The following DERA variants were observed in gnomAD, a reference collection of about 807,000 sequenced individuals.
DERA encodes the protein deoxyribose-phosphate aldolase.
DERA carries 15 observed loss-of-function variants against 41.1 expected under a neutral mutation model. That is an observed-to-expected ratio of 0.37 (90% CI 0.24 to 0.56). The LOEUF is 0.56. Among genes scored for constraint, DERA ranks in the 20% least tolerant of loss-of-function variants. DERA has a pLI of 0.81. For missense variants in DERA, 396 were observed against 403.4 expected (o/e 0.98, Z 0.16); for synonymous variants, 139 against 137.4 (o/e 1.01, Z -0.08).
Position 16,019,717 on chromosome 12 carries a change from A to G in DERA, c.638-12825A>G, listed in dbSNP as rs1949006173. ...GTCTGTAACACATTCCATCTGTTCC[A>G]TGAAGCCTTCCCGTATTATTCTAGC... On this transcript the variant is annotated intron_variant, in intron 6 of 8. Transcript: ENST00000428559. This position sits in a 1 kb window ranked among gnomAD's most constrained non-coding sequence, Gnocchi z 4.4. Among the ~76,000 whole-genome samples, 2 of 152,154 alleles carry G rather than the reference A, an allele frequency of 1.3e-5. No individual in the cohort carries two copies. The highest frequency in any genetic ancestry group is 4.1e-4 in the South Asian group (2 of 4,826).
At chr12:15,912,091 A>G (rs1428679814) in intron 1 of DERA, among the ~76,000 whole-genome samples, 1 of 150,868 alleles carries the variant, frequency 6.6e-6, no homozygotes, top group African/African-American at 2.5e-5. Flanking sequence ...GTCATAGGAC[A>G]GTAGTGGAGG....
At chr12:15,925,085 C>T (rs1158833915) in intron 1 of DERA, among the ~76,000 whole-genome samples, 1 of 152,156 alleles carries the variant, frequency 6.6e-6, no homozygotes, top group Non-Finnish European at 1.5e-5. Context: ...ACACTTCATT[C>T]TCTCTCTCTT....
At chr12:16,033,737 TTATATG>T (rs1949109121) in intron 7 of DERA, among the ~76,000 whole-genome samples, 1 of 151,814 alleles carries the variant, frequency 6.6e-6, no homozygotes. Flanking sequence ...TGTGATGACT[TTATATG>T]TAAGTGTAGC....
In DERA at chr12:16,036,939, GA is replaced by G. The variant is rs1242695765; in HGVS notation, c.*196del. ...TGTGGTACTCATTTCAGGCACATCT[GA>G]AATGATCTTAATTACTAGAAGATCT... On this transcript the variant is annotated 3_prime_UTR_variant, in exon 9 of 9. Coordinates refer to ENST00000428559, the MANE Select transcript of DERA (RefSeq NM_015954.4). The surrounding 1 kb of genome is among the most constrained non-coding windows in gnomAD (Gnocchi z 4.9). 8 of 544,260 alleles carry G rather than the reference GA, an allele frequency of 1.5e-5. No individual in the cohort carries two copies. In the East Asian group the frequency reaches 2.7e-4, roughly 19 times the overall value. 33.7% of individuals were successfully genotyped at this position (544,260 alleles called of 1,614,324 possible).
chr12:16,004,871 G>A lies in DERA; in HGVS notation c.637+22435G>A, dbSNP rs558259023. Among the ~76,000 whole-genome samples, 4 of 152,226 alleles carry A rather than the reference G, an allele frequency of 2.6e-5. No individual in the cohort carries two copies. In the South Asian group the frequency reaches 6.2e-4, roughly 24 times the overall value. On this transcript the variant is annotated intron_variant, in intron 6 of 8. Transcript: ENST00000428559. This position sits in a 1 kb window ranked among gnomAD's most constrained non-coding sequence, Gnocchi z 4.2. ...ATCGTCTGCATATGTGTGTTTCCTA[G>A]TTCAAGGAGTTAGAAAACTTTTGAT...
chr12:15,962,261 T>C (rs779474933), intron 4 of DERA, among the ~76,000 whole-genome samples: 6 of 152,216 alleles, frequency 3.9e-5, no homozygotes, highest in Non-Finnish European at 5.9e-5. Flanking sequence ...TGCATTCTCT[T>C]TTCTTTATGC....
intron 4 of DERA, among the ~76,000 whole-genome samples, chr12:15,960,596 C>G (rs993524055): frequency 7.6e-6 from 1 of 130,820 alleles, no homozygotes; most frequent in African/African-American, 2.9e-5. Flanking sequence ...GAGATCATGC[C>G]CCTGCACTCC....
At chr12:15,925,363 C>T (rs1241339100) in intron 1 of DERA, among the ~76,000 whole-genome samples, 1 of 151,760 alleles carries the variant, frequency 6.6e-6, no homozygotes, top group Non-Finnish European at 1.5e-5. Context: ...TGTAAATTTT[C>T]TTCTTATTAT....
chr12:16,036,592 G>A lies in DERA; in HGVS notation c.901-98G>A, dbSNP rs1007502348. On this transcript the variant is annotated intron_variant, in intron 8 of 8. Transcript: ENST00000428559. The surrounding 1 kb of genome is among the most constrained non-coding windows in gnomAD (Gnocchi z 4.9). ...TACTAGTGAGGCTTTCTAATGAAAT[G>A]TTCATTAAAACTATTTATTATTATT... 8.5e-6 allele frequency: 9 copies of A among 1,055,652 alleles called. No individual in the cohort carries two copies. The Admixed American group carries it at 2.2e-4, about 25-fold the overall frequency. 65.4% of individuals were successfully genotyped at this position (1,055,652 alleles called of 1,614,324 possible).
In DERA at chr12:15,954,472, C is replaced by T. The variant is rs906177476; in HGVS notation, c.32-2464C>T. Among the ~76,000 whole-genome samples, 23 of 152,282 alleles carry T rather than the reference C, an allele frequency of 1.5e-4. No individual in the cohort carries two copies. Among genetic ancestry groups the T allele is most frequent in the Non-Finnish European group, 2.5e-4 (17 of 68,026 alleles). ...CAGGGAAGGCTCCCAGAGAAGGTGA[C>T]ATTTGAATCGACTCTTAAAGGATGA... On this transcript the variant is annotated intron_variant, in intron 1 of 8. Coordinates refer to ENST00000428559, the MANE Select transcript of DERA (RefSeq NM_015954.4). This position sits in a 1 kb window ranked among gnomAD's most constrained non-coding sequence, Gnocchi z 4.0.
At chr12:15,963,846 T>C (rs577173151) in intron 5 of DERA, among the ~76,000 whole-genome samples, 1 of 152,186 alleles carries the variant, frequency 6.6e-6, no homozygotes, top group Admixed American at 6.5e-5. Context: ...CTATTTCTCA[T>C]GGGTATTTTC....
intron 6 of DERA, among the ~76,000 whole-genome samples, chr12:16,028,494 G>A (rs890121341): frequency 3.9e-5 from 6 of 152,142 alleles, no homozygotes; most frequent in African/African-American, 7.2e-5. Flanking sequence ...GCCCCTGCTC[G>A]AGGAGGTGGA....
At chr12:15,948,604 C>CT (rs894734122) in intron 1 of DERA, among the ~76,000 whole-genome samples, 1 of 151,962 alleles carries the variant, frequency 6.6e-6, no homozygotes, top group Admixed American at 6.6e-5. Context: ...TTCGTCTAAT[C>CT]TTTTTTTTGA....
At chr12:16,015,998 C>T (rs1342327498) in intron 6 of DERA, among the ~76,000 whole-genome samples, 1 of 152,032 alleles carries the variant, frequency 6.6e-6, no homozygotes, top group Non-Finnish European at 1.5e-5. Context: ...ATGGTGAACC[C>T]TCTTCAGGCG....
chr12:15,968,285 A>G (rs540515078), intron 5 of DERA, among the ~76,000 whole-genome samples: 2 of 152,214 alleles, frequency 1.3e-5, no homozygotes, highest in Admixed American at 6.5e-5. Flanking sequence ...GTATGTTTCT[A>G]TGCCGTTAGC....
intron 6 of DERA, among the ~76,000 whole-genome samples, chr12:16,023,699 G>C (rs1011703906): frequency 6.6e-6 from 1 of 151,802 alleles, no homozygotes; most frequent in Admixed American, 6.6e-5. Context: ...GGATGGTCTC[G>C]ATCTCCTGAC....
At position 16,013,247 on chromosome 12, in the gene DERA, A is replaced by T. The variant is rs971554689; in HGVS notation, c.638-19295A>T. On this transcript the variant is annotated intron_variant, in intron 6 of 8. Coordinates refer to ENST00000428559, the MANE Select transcript of DERA (RefSeq NM_015954.4). The surrounding 1 kb of genome is among the most constrained non-coding windows in gnomAD (Gnocchi z 5.8). ...TGCTTAGTTTAATGTGTGACTGCACATGCTGTTCATTTGTGATATGGTTAT... is the reference window on the plus strand; with the variant it reads ...TGCTTAGTTTAATGTGTGACTGCACTTGCTGTTCATTTGTGATATGGTTAT... 1.3e-5 allele frequency among the ~76,000 whole-genome samples: 2 copies of T among 152,240 alleles called. No homozygotes were observed. Among genetic ancestry groups the T allele is most frequent in the Non-Finnish European group, 2.9e-5 (2 of 68,036 alleles).
chr12:16,015,064 G>T (rs1342207637), intron 6 of DERA, among the ~76,000 whole-genome samples: 1 of 152,174 alleles, frequency 6.6e-6, no homozygotes, highest in Non-Finnish European at 1.5e-5. Flanking sequence ...TAACTAACTT[G>T]CTTTTGGTTT....
chr12:15,997,407 C>T (rs897759962), intron 6 of DERA, among the ~76,000 whole-genome samples: 2 of 151,346 alleles, frequency 1.3e-5, no homozygotes, highest in African/African-American at 4.9e-5. Context: ...GATATGTTAA[C>T]AGGGAAAAAT....
Sources: gnomAD v4.1 joint callset for allele counts (sites outside exome capture counted in the v4.1 genomes callset) on GRCh38, gnomAD v4.1.1 for gene constraint, Gnocchi (gnomAD v3.1) non-coding constraint, MANE v1.5 for transcripts, NCBI Gene and HGNC (gene_info 2026-07-23, HGNC 2026-07-21) for gene names.